The following KHDRBS2 variants were observed in gnomAD, a reference collection of about 807,000 sequenced individuals.
The protein encoded by KHDRBS2 is KH domain-containing, RNA-binding, signal transduction-associated protein 2.
A neutral mutation model predicts 44.3 loss-of-function variants in KHDRBS2; 26 were observed. That is an observed-to-expected ratio of 0.59 (90% CI 0.43 to 0.81). The LOEUF is 0.81. Ranked by LOEUF, KHDRBS2 falls within the 40% of genes least tolerant of loss-of-function variation. The pLI is 0.00. For synonymous variants in KHDRBS2, 194 were observed against 151.1 expected (o/e 1.28, Z -2.08); for missense variants, 476 against 433.1 (o/e 1.10, Z -0.88).
the KHDRBS2 span, among the ~76,000 whole-genome samples, chr6:61,618,856 G>A: frequency 5.3e-5 from 8 of 152,114 alleles, no homozygotes; most frequent in Admixed American, 4.6e-4. Flanking sequence ...CTATAGATCC[G>A]ATCTTAATTG....
In KHDRBS2 at chr6:62,040,300, C is replaced by T. The variant is rs185706754; in HGVS notation, c.336+7578G>A. 2.1e-3 allele frequency among the ~76,000 whole-genome samples: 320 copies of T among 152,050 alleles called. 9 individuals carry two copies. In the South Asian group the frequency reaches 0.048, roughly 23 times the overall value. ...CTAGAAATGATCAATCTGCGCTTAT[C>T]GCCATTAGAAGGCAGCAGAAATGCA... On this transcript the variant is annotated intron_variant, in intron 3 of 8. Transcript: ENST00000281156.
chr6:61,887,996 A>G (rs1456833619), intron 6 of KHDRBS2, among the ~76,000 whole-genome samples: 1 of 152,212 alleles, frequency 6.6e-6, no homozygotes, highest in East Asian at 1.9e-4. Flanking sequence ...ATATAATACA[A>G]GACAGGTTTT....
intron 6 of KHDRBS2, among the ~76,000 whole-genome samples, chr6:61,812,890 T>C (rs549404854): frequency 6.6e-6 from 1 of 152,228 alleles, no homozygotes; most frequent in South Asian, 2.1e-4. Context: ...CGGCGTATTT[T>C]CACATTTATA....
intron 1 of KHDRBS2, among the ~76,000 whole-genome samples, chr6:62,187,249 A>T (rs916455461): frequency 6.6e-5 from 10 of 152,276 alleles, no homozygotes; most frequent in Non-Finnish European, 1.5e-4. Context: ...CTGAATATTA[A>T]TTTTTCCAAT....
intron 4 of KHDRBS2, among the ~76,000 whole-genome samples, chr6:61,905,637 A>G (rs1804834269): frequency 1.3e-5 from 2 of 152,212 alleles, no homozygotes; most frequent in South Asian, 4.1e-4. Flanking sequence ...AAAATTATGT[A>G]TAGAGACAGA....
At chr6:62,233,121 T>TAGGAAG (rs1325204625) in intron 1 of KHDRBS2, among the ~76,000 whole-genome samples, 1 of 152,140 alleles carries the variant, frequency 6.6e-6, no homozygotes, top group Non-Finnish European at 1.5e-5. Context: ...CCCTTGAAGC[T>TAGGAAG]AGGAAGAGGG....
chr6:61,556,573 T>A, the KHDRBS2 span, among the ~76,000 whole-genome samples: 1 of 152,118 alleles, frequency 6.6e-6, no homozygotes, highest in Non-Finnish European at 1.5e-5. Flanking sequence ...AGTTTGTCAG[T>A]TTTTCTTTCA....
intron 1 of KHDRBS2, among the ~76,000 whole-genome samples, chr6:62,194,471 C>A (rs1424665941): frequency 5.7e-5 from 5 of 87,412 alleles, no homozygotes; most frequent in Admixed American, 4.3e-4. Context: ...CTTTTCTTTT[C>A]TTTTCTTCCT....
intron 1 of KHDRBS2, among the ~76,000 whole-genome samples, chr6:62,279,036 G>C (rs967607371): frequency 3.3e-5 from 5 of 152,122 alleles, no homozygotes; most frequent in African/African-American, 1.2e-4. Flanking sequence ...GGAGCTTGCA[G>C]TGAGCTGAGA....
At chr6:61,708,618 GGGCA>G (rs1399833219) in intron 7 of KHDRBS2, among the ~76,000 whole-genome samples, 1 of 151,484 alleles carries the variant, frequency 6.6e-6, no homozygotes, top group African/African-American at 2.4e-5. Context: ...TTGTGCTACA[GGGCA>G]GTCATGTTTG....
At chr6:62,280,065 G>A (rs555055757) in intron 1 of KHDRBS2, among the ~76,000 whole-genome samples, 2 of 152,282 alleles carry the variant, frequency 1.3e-5, no homozygotes, top group Admixed American at 6.5e-5. Flanking sequence ...ATCTAGAGGC[G>A]TTCGTTATGG....
At chr6:61,877,268 A>G (rs1176159857) in intron 6 of KHDRBS2, among the ~76,000 whole-genome samples, 2 of 151,992 alleles carry the variant, frequency 1.3e-5, no homozygotes, top group African/African-American at 2.4e-5. Context: ...CAGAAAGAAA[A>G]TTAGGAAGCC....
the KHDRBS2 span, among the ~76,000 whole-genome samples, chr6:61,592,497 G>T: frequency 1.3e-5 from 2 of 152,078 alleles, no homozygotes; most frequent in African/African-American, 4.8e-5. Context: ...ATCTTTCCTA[G>T]ATCTCGATAA....
chr6:61,720,185 C>T (rs956577774), intron 7 of KHDRBS2, among the ~76,000 whole-genome samples: 21 of 151,116 alleles, frequency 1.4e-4, no homozygotes, highest in Non-Finnish European at 3.0e-4. Flanking sequence ...CATTGTTGGA[C>T]ATTTGGGTTG....
chr6:61,865,214 G>A (rs1797601619), intron 6 of KHDRBS2, among the ~76,000 whole-genome samples: 1 of 152,084 alleles, frequency 6.6e-6, no homozygotes, highest in South Asian at 2.1e-4. Flanking sequence ...GGGTTACAAG[G>A]TGCTCCTTTG....
At chr6:62,108,649 T>TAC (rs1487590776) in intron 2 of KHDRBS2, among the ~76,000 whole-genome samples, 1 of 152,182 alleles carries the variant, frequency 6.6e-6, no homozygotes, top group African/African-American at 2.4e-5. Flanking sequence ...CATGCACACG[T>TAC]ATGTTCATTG....
chr6:61,842,950 A>AATCTATCTGTATAGATTACAGATAGATG, intron 6 of KHDRBS2, among the ~76,000 whole-genome samples: 1 of 151,896 alleles, frequency 6.6e-6, no homozygotes. Context: ...ACAGATAGAT[A>AATCTATCTGTATAGATTACAGATAGATG]ATCTATCTGT....
rs569191746 is a variant in KHDRBS2, at chr6:61,680,857, GAAAC to G, written c.*102_*105del. 165 of 672,464 alleles carry G rather than the reference GAAAC, an allele frequency of 2.5e-4. No individual in the cohort carries two copies. The highest frequency in any genetic ancestry group is 1.9e-3 in the Middle Eastern group (7 of 3,660). The allele number at this position is 672,464 out of a possible 1,614,324, so 41.7% of individuals were successfully genotyped here. A position where few individuals can be genotyped will look rare whatever the true frequency, so the allele number is the denominator to read the frequency against. On this transcript the variant is annotated 3_prime_UTR_variant, in exon 9 of 9. Transcript: ENST00000281156. ...ATCATGAGCAGTTATCCCTAGAATA[GAAAC>G]AAACAAACAAAAAAAGGACTATTAC...
At chr6:61,664,036 C>G in the KHDRBS2 span, among the ~76,000 whole-genome samples, 1 of 151,656 alleles carries the variant, frequency 6.6e-6, no homozygotes. Context: ...TAGAAATAAC[C>G]GGGTCAAACC....
Sources: allele counts gnomAD v4.1 joint callset (sites outside exome capture counted in the v4.1 genomes callset), GRCh38; gene constraint gnomAD v4.1.1; transcripts MANE v1.5; gene names NCBI Gene and HGNC (gene_info 2026-07-23, HGNC 2026-07-21).